RAPGEF6: variants seen among roughly 807,000 people sequenced by gnomAD.
RAPGEF6 encodes PDZ domain containing guanine nucleotide exchange factor (GEF) 2.
A neutral mutation model predicts 171.4 loss-of-function variants in RAPGEF6; 56 were observed. The observed-to-expected ratio is 0.33, with a 90% CI of 0.26 to 0.41. The LOEUF (loss-of-function observed/expected upper bound fraction) is 0.41, where lower values mean the gene tolerates loss of function less well. Ranked by LOEUF, RAPGEF6 falls within the 10% of genes least tolerant of loss-of-function variation. The pLI is 1.00. For missense variants in RAPGEF6, 1,674 were observed against 1,921.4 expected (o/e 0.87, Z 2.41); for synonymous variants, 692 against 650.1 (o/e 1.06, Z -0.98).
At position 131,426,704 on chromosome 5, in the gene RAPGEF6, T is replaced by TC; in HGVS notation, c.*561_*562insG. On this transcript the variant is annotated 3_prime_UTR_variant, in exon 28 of 28. Transcript: ENST00000509018. The stretch of plus-strand genomic sequence containing the variant: ...GTCACATCTCTGTGTAGATCAAGCA[T>TC]ATCACCTCTGTAAAGATGACTTCTG... The TC allele has an allele frequency of 2.1e-5, 3 of 142,012 alleles. No homozygotes were observed. The highest frequency in any genetic ancestry group is 4.7e-5 in the Non-Finnish European group (3 of 64,318). The allele number at this position is 142,012 out of a possible 1,614,324, so 8.8% of individuals were successfully genotyped here. A position where few individuals can be genotyped will look rare whatever the true frequency, so the allele number is the denominator to read the frequency against.
At chr5:131,494,181 A>G (rs1176799848) in intron 13 of RAPGEF6, among the ~76,000 whole-genome samples, 1 of 152,234 alleles carries the variant, frequency 6.6e-6, no homozygotes, top group Non-Finnish European at 1.5e-5. Flanking sequence ...CAACTAAGGC[A>G]TAAGATCAGG....
In RAPGEF6 at chr5:131,442,442, G is replaced by A; in HGVS notation, c.3517C>T (p.His1173Tyr). ...SAGQTTKAHL[H>Y]QPHRVSQVLQ... ...ACCTGGCTTACTCTGTGGGGTTGAT[G>A]CAAGTGGGCTTTAGTTGTTTGGCCA... The change falls in exon 23 of 28, where the codon CAT becomes TAT. Residue 1173 changes from histidine to tyrosine, a missense_variant. Physicochemically the swap from His to Tyr is moderately conservative, Grantham distance 83. Around this residue, in one of 3 missense-constraint regions of RAPGEF6, gnomAD observed 552 missense variants for 574.2 expected, o/e 0.96. Coordinates refer to ENST00000509018, the MANE Select transcript of RAPGEF6 (RefSeq NM_016340.6). 2 of 1,614,208 alleles carry A rather than the reference G, an allele frequency of 1.2e-6. No individual in the cohort carries two copies. Among genetic ancestry groups the A allele is most frequent in the Non-Finnish European group, 1.7e-6 (2 of 1,180,030 alleles).
chr5:131,604,404 A>G (rs957974469), intron 2 of RAPGEF6, among the ~76,000 whole-genome samples: 2 of 152,210 alleles, frequency 1.3e-5, no homozygotes, highest in Non-Finnish European at 1.5e-5. Flanking sequence ...GAAAAACTGA[A>G]TAAGAAAAAC....
chr5:131,519,292 G>C (rs1302901403), intron 7 of RAPGEF6, among the ~76,000 whole-genome samples: 1 of 152,196 alleles, frequency 6.6e-6, no homozygotes, highest in Non-Finnish European at 1.5e-5. Flanking sequence ...CCATCTTCTA[G>C]TTCACAATAA....
Position 131,624,934 on chromosome 5 carries a change from CCAA to C in RAPGEF6, c.69+10025_69+10027del, listed in dbSNP as rs1208439322. Among the ~76,000 whole-genome samples, 11 of 151,540 alleles carry C rather than the reference CCAA, an allele frequency of 7.3e-5. No individual in the cohort carries two copies. The South Asian group carries it at 8.4e-4, about 12-fold the overall frequency. ...GGTCGGGAGTTCGAGACCAGCCTGA[CCAA>C]CAAGGAGAAACCCCGTCTCTACTAA... On this transcript the variant is annotated intron_variant, in intron 1 of 27. Coordinates refer to ENST00000509018, the MANE Select transcript of RAPGEF6 (RefSeq NM_016340.6).
At position 131,511,834 on chromosome 5, in the gene RAPGEF6, C is replaced by T. The variant is rs533379448; in HGVS notation, c.628-1343G>A. The stretch of plus-strand genomic sequence containing the variant: ...TCTTTTGAGGACTACCTTTCCTCTC[C>T]ATCTTAAACCCAGAGATTACAGTGG... On this transcript the variant is annotated intron_variant, in intron 7 of 27. Coordinates refer to ENST00000509018, the MANE Select transcript of RAPGEF6 (RefSeq NM_016340.6). Among the ~76,000 whole-genome samples the T allele has an allele frequency of 2.0e-4, 31 of 152,226 alleles. No individual in the cohort carries two copies. In the South Asian group the frequency reaches 6.4e-3, roughly 32 times the overall value.
rs778385565 is a variant in RAPGEF6 at position 131,472,565 on chromosome 5, T to C, written c.2239+22A>G. On this transcript the variant is annotated intron_variant, in intron 17 of 27. Coordinates refer to ENST00000509018, the MANE Select transcript of RAPGEF6 (RefSeq NM_016340.6). ...TTCATTTGGTACCAATACGGCAATATAAAATCACATATGAAAATTACCTGA... is the reference window on the plus strand; with the variant it reads ...TTCATTTGGTACCAATACGGCAATACAAAATCACATATGAAAATTACCTGA... The C allele has an allele frequency of 5.0e-6, 8 of 1,607,248 alleles. 1 individual carries two copies. Among genetic ancestry groups the C allele is most frequent in the Admixed American group, 3.3e-5 (2 of 59,980 alleles).
chr5:131,467,969 T>C (rs1484506709), intron 17 of RAPGEF6, among the ~76,000 whole-genome samples: 1 of 151,138 alleles, frequency 6.6e-6, no homozygotes, highest in African/African-American at 2.4e-5. Flanking sequence ...AAGTAGAGGC[T>C]GCAGTGAGCC....
chr5:131,610,530 C>T (rs993793880), intron 1 of RAPGEF6, among the ~76,000 whole-genome samples: 2 of 152,126 alleles, frequency 1.3e-5, no homozygotes, highest in South Asian at 2.1e-4. Flanking sequence ...TAACTGTAAA[C>T]GGATATATAT....
rs1751682620 is a variant in RAPGEF6 at position 131,431,215 on chromosome 5, CT to C, written c.4108del (p.Ser1370AlafsTer19). 6.2e-7 allele frequency: 1 copy of C among 1,614,198 alleles called. No individual in the cohort carries two copies. The highest frequency in any genetic ancestry group is 1.3e-5 in the African/African-American group (1 of 75,038). ...SGRGSWTSCS[S>X]SSHDNFQSLP... ...GCTTTGGAAGTTGTCATGGGAGCTG[CT>C]TGAACACGAAGTCCAACTTCCACGA... On this transcript the variant is annotated frameshift_variant, in exon 26 of 28. Transcript: ENST00000509018. LOFTEE classifies it high-confidence loss of function.
At chr5:131,510,060 C>T (rs1222762969) in intron 8 of RAPGEF6, among the ~76,000 whole-genome samples, 2 of 152,136 alleles carry the variant, frequency 1.3e-5, no homozygotes, top group East Asian at 3.8e-4. Flanking sequence ...CTATCTTGGA[C>T]ACAGATTCTA....
chr5:131,449,336 A>C (rs2149819559), intron 21 of RAPGEF6, among the ~76,000 whole-genome samples: 1 of 152,330 alleles, frequency 6.6e-6, no homozygotes, highest in East Asian at 1.9e-4. Flanking sequence ...AAGCTGGTAA[A>C]AATTTCAAAT....
At chr5:131,553,589 T>C (rs1204594281) in intron 5 of RAPGEF6, among the ~76,000 whole-genome samples, 1 of 152,032 alleles carries the variant, frequency 6.6e-6, no homozygotes, top group African/African-American at 2.4e-5. Flanking sequence ...TTGATAATTT[T>C]AGCAGACAAA....
At chr5:131,570,725 C>G (rs1056859966) in intron 4 of RAPGEF6, among the ~76,000 whole-genome samples, 1 of 151,838 alleles carries the variant, frequency 6.6e-6, no homozygotes, top group Non-Finnish European at 1.5e-5. Flanking sequence ...CATAAAATAG[C>G]AGAAAATTAA....
chr5:131,499,714 A>G (rs976231661), intron 11 of RAPGEF6, among the ~76,000 whole-genome samples: 3 of 152,114 alleles, frequency 2.0e-5, no homozygotes, highest in Non-Finnish European at 4.4e-5. Context: ...AGAAACAAAC[A>G]AGATGTTAAG....
chr5:131,635,095 G>C lies in RAPGEF6; in HGVS notation c.-65C>G. ...CCACGCCACAGTTCATTCACACTAG[G>C]TAGCGGGTGCGGTACCTTTCCCCCG... is the stretch of plus-strand genomic sequence containing the variant. On this transcript the variant is annotated 5_prime_UTR_variant, in exon 1 of 28. Coordinates refer to ENST00000509018, the MANE Select transcript of RAPGEF6 (RefSeq NM_016340.6). 6.7e-7 allele frequency: 1 copy of C among 1,482,274 alleles called. No homozygotes were observed. The highest frequency in any genetic ancestry group is 9.1e-7 in the Non-Finnish European group (1 of 1,101,018). The allele number at this position is 1,482,274 out of a possible 1,614,324, so 91.8% of individuals were successfully genotyped here.
At chr5:131,549,977 T>C (rs185541897) in intron 5 of RAPGEF6, among the ~76,000 whole-genome samples, 111 of 152,248 alleles carry the variant, frequency 7.3e-4, no homozygotes, top group Middle Eastern at 3.4e-3. Context: ...CCTAAAAATG[T>C]GGAAAGCGAA....
At chr5:131,581,208 T>C (rs1472881924) in intron 4 of RAPGEF6, among the ~76,000 whole-genome samples, 1 of 152,236 alleles carries the variant, frequency 6.6e-6, no homozygotes, top group Non-Finnish European at 1.5e-5. Flanking sequence ...GAGGACTCTG[T>C]ATATTTCTTA....
intron 9 of RAPGEF6, among the ~76,000 whole-genome samples, chr5:131,506,197 G>A: frequency 6.6e-6 from 1 of 152,182 alleles, no homozygotes; most frequent in East Asian, 1.9e-4. Flanking sequence ...CTGGAGTGCA[G>A]TGGTATGATT....
Sources: allele counts gnomAD v4.1 joint callset (sites outside exome capture counted in the v4.1 genomes callset), GRCh38; gene constraint gnomAD v4.1.1; regional missense constraint gnomAD v4.1.1; transcripts MANE v1.5; gene names NCBI Gene and HGNC (gene_info 2026-07-23, HGNC 2026-07-21).